The following CCDC85A variants were observed in gnomAD, a reference collection of about 807,000 sequenced individuals.
CCDC85A encodes the protein coiled-coil domain containing 85A.
CCDC85A carries 38 observed loss-of-function variants against 50.2 expected under a neutral mutation model. The observed-to-expected ratio is 0.76, with a 90% CI of 0.58 to 0.99. CCDC85A has a LOEUF of 0.99. Among genes scored for constraint, CCDC85A ranks in the 50% least tolerant of loss-of-function variants. CCDC85A has a pLI of 0.00. For missense variants in CCDC85A, 820 were observed against 742.0 expected, an observed-to-expected ratio of 1.11 and a Z score of -1.22; for synonymous variants, 366 against 301.4, an observed-to-expected ratio of 1.21 and a Z score of -2.22.
intron 2 of CCDC85A, among the ~76,000 whole-genome samples, chr2:56,278,573 T>TA (rs1671066945): frequency 6.6e-6 from 1 of 151,976 alleles, no homozygotes; most frequent in Admixed American, 6.6e-5. Flanking sequence ...TTTTATTTTT[T>TA]ATTATTATTA....
rs1310991430 is a variant in CCDC85A at position 56,372,401 on chromosome 2, T to G, written c.1375T>G (p.Trp459Gly). 5 of 1,603,976 alleles carry G rather than the reference T, an allele frequency of 3.1e-6. No homozygotes were observed. Among genetic ancestry groups the G allele is most frequent in the Middle Eastern group, 1.6e-4 (1 of 6,076 alleles). The change falls in exon 4 of 6, where the codon TGG becomes GGG. Residue 459 changes from tryptophan (W) to glycine (G), a missense_variant. Physicochemically the swap from Trp to Gly is radical, Grantham distance 184. Transcript: ENST00000407595. ...AAACAGCTCAAATATGGAGAAAGGCTGGGGGTCCAGAGCCCGGCGGGTCTT... is the reference window on the plus strand; with the variant it reads ...AAACAGCTCAAATATGGAGAAAGGCGGGGGGTCCAGAGCCCGGCGGGTCTT... ...TRNSSNMEKG[W>G]GSRARRVLQW...
chr2:56,203,724 C>T (rs1008571456), intron 2 of CCDC85A, among the ~76,000 whole-genome samples: 9 of 152,146 alleles, frequency 5.9e-5, no homozygotes, highest in African/African-American at 1.7e-4. Flanking sequence ...TTACCTTAAA[C>T]TGACATGTGG....
chr2:56,357,461 A>C (rs10175691), intron 3 of CCDC85A, among the ~76,000 whole-genome samples: 94,360 of 152,024 alleles, frequency 0.62, 30,179 homozygotes, highest in East Asian at 0.82. Flanking sequence ...GAAAATATTC[A>C]GTGTTTTTAT....
chr2:56,252,539 A>AT (rs948096260), intron 2 of CCDC85A, among the ~76,000 whole-genome samples: 5 of 149,106 alleles, frequency 3.4e-5, no homozygotes, highest in East Asian at 2.0e-4. Flanking sequence ...TGCTCTGGGT[A>AT]TTTTTTTTTT....
At chr2:56,258,486 G>A (rs1670081823) in intron 2 of CCDC85A, among the ~76,000 whole-genome samples, 1 of 152,164 alleles carries the variant, frequency 6.6e-6, no homozygotes, top group South Asian at 2.1e-4. Flanking sequence ...CCTGAGCTTG[G>A]CCTGAGTCCT....
chr2:56,244,909 C>T lies in CCDC85A; in HGVS notation c.1240+51469C>T, dbSNP rs149681562. 1.8e-3 allele frequency among the ~76,000 whole-genome samples: 277 copies of T among 152,070 alleles called. 1 individual carries two copies. Among genetic ancestry groups the T allele is most frequent in the African/African-American group, 6.5e-3 (268 of 41,484 alleles). ...GGGGCCTCACAACTCTGCCGGATTC[C>T]CTGTTCTACTGTGGCTGAGCTGGTA... is the stretch of plus-strand genomic sequence containing the variant. On this transcript the variant is annotated intron_variant, in intron 2 of 5. Transcript: ENST00000407595.
At chr2:56,315,676 C>T (rs1447245204) in intron 2 of CCDC85A, among the ~76,000 whole-genome samples, 2 of 152,028 alleles carry the variant, frequency 1.3e-5, no homozygotes, top group African/African-American at 4.8e-5. Flanking sequence ...CTGATTTAGT[C>T]AGTGGGGGCT....
At chr2:56,356,060 A>G (rs1268654765) in intron 3 of CCDC85A, among the ~76,000 whole-genome samples, 1 of 152,216 alleles carries the variant, frequency 6.6e-6, no homozygotes, top group Non-Finnish European at 1.5e-5. Flanking sequence ...GCATTTTCAT[A>G]TGTGATGAAA....
chr2:56,260,173 G>A (rs745957817), intron 2 of CCDC85A, among the ~76,000 whole-genome samples: 3 of 152,152 alleles, frequency 2.0e-5, no homozygotes, highest in Non-Finnish European at 2.9e-5. Context: ...TGTGCATCTT[G>A]GAGGCTGCAC....
At chr2:56,243,678 C>T (rs1276222343) in intron 2 of CCDC85A, among the ~76,000 whole-genome samples, 1 of 152,130 alleles carries the variant, frequency 6.6e-6, no homozygotes, top group Non-Finnish European at 1.5e-5. Context: ...TGTTTTCCTG[C>T]AGGATCTTGA....
At chr2:56,222,530 A>T (rs1218463961) in intron 2 of CCDC85A, among the ~76,000 whole-genome samples, 1 of 152,130 alleles carries the variant, frequency 6.6e-6, no homozygotes, top group East Asian at 1.9e-4. Flanking sequence ...ACTTTTATAG[A>T]AGAATGAATT....
chr2:56,281,068 C>A (rs1038698084), intron 2 of CCDC85A, among the ~76,000 whole-genome samples: 1 of 152,084 alleles, frequency 6.6e-6, no homozygotes, highest in African/African-American at 2.4e-5. Context: ...TCCATCACCC[C>A]CAAAAGTTAC....
intron 5 of CCDC85A, chr2:56,383,568 C>G: frequency 1.0e-6 from 1 of 984,588 alleles, no homozygotes; most frequent in Non-Finnish European, 1.2e-6. Flanking sequence ...TTCAGTGATT[C>G]TTGAATTTAT....
intron 2 of CCDC85A, among the ~76,000 whole-genome samples, chr2:56,222,276 T>C (rs1173865311): frequency 6.6e-6 from 1 of 152,130 alleles, no homozygotes; most frequent in Non-Finnish European, 1.5e-5. Context: ...TTATATATCA[T>C]TTAAAAAATG....
intron 2 of CCDC85A, among the ~76,000 whole-genome samples, chr2:56,264,813 C>T (rs1017157376): frequency 2.6e-5 from 4 of 152,210 alleles, no homozygotes; most frequent in African/African-American, 9.6e-5. Context: ...CTCCACCTCA[C>T]TCATTCCTCT....
At chr2:56,301,096 G>A (rs13400915) in intron 2 of CCDC85A, among the ~76,000 whole-genome samples, 21,994 of 152,024 alleles carry the variant, frequency 0.14, 1,817 homozygotes, top group East Asian at 0.32. Context: ...TATTTATTTA[G>A]AAAAAAGTCA....
Position 56,216,601 on chromosome 2 carries a change from C to G in CCDC85A, c.1240+23161C>G, listed in dbSNP as rs571564595. ...AACCTCCCATATTGATGACTGTATC[C>G]TGTCTACCTTGTTTTTGATTTTGAG... On this transcript the variant is annotated intron_variant, in intron 2 of 5. Transcript: ENST00000407595. 4.6e-5 allele frequency among the ~76,000 whole-genome samples: 7 copies of G among 151,704 alleles called. No homozygotes were observed. In the South Asian group the frequency reaches 1.5e-3, roughly 32 times the overall value.
intron 2 of CCDC85A, among the ~76,000 whole-genome samples, chr2:56,268,966 A>G (rs1670579655): frequency 2.6e-5 from 4 of 152,214 alleles, no homozygotes; most frequent in Admixed American, 2.6e-4. Flanking sequence ...TTGGAAAATT[A>G]TCAAGTTTCT....
intron 3 of CCDC85A, among the ~76,000 whole-genome samples, chr2:56,369,579 C>T (rs1675973723): frequency 6.6e-6 from 1 of 152,118 alleles, no homozygotes; most frequent in Non-Finnish European, 1.5e-5. Flanking sequence ...TAAAAGTCTT[C>T]AAGTCAGGCT....
Sources: allele counts gnomAD v4.1 joint callset (sites outside exome capture counted in the v4.1 genomes callset), GRCh38; gene constraint gnomAD v4.1.1; transcripts MANE v1.5; gene names NCBI Gene and HGNC (gene_info 2026-07-23, HGNC 2026-07-21).